PRKCB: variants seen among roughly 807,000 people sequenced by gnomAD.
The protein encoded by PRKCB is protein kinase C beta.
A neutral mutation model predicts 81.5 loss-of-function variants in PRKCB; 13 were observed. The ratio of observed to expected loss-of-function variants is 0.16; its 90% CI spans 0.10 to 0.25. The LOEUF (loss-of-function observed/expected upper bound fraction) is 0.25. Among genes scored for constraint, PRKCB ranks in the 10% least tolerant of loss-of-function variants. The pLI is 1.00. For missense variants in PRKCB, 509 were observed against 875.7 expected (o/e 0.58, Z 5.29); for synonymous variants, 335 against 321.4 (o/e 1.04, Z -0.45).
rs372129306 is a variant in PRKCB, at chr16:24,111,347, C to T, written c.822-1626C>T. The stretch of plus-strand genomic sequence containing the variant: ...TTTGGTTAGGAATGATCTTTGAGAG[C>T]GAGGAGTTTTGGGGTCTTTTTTCTT... On this transcript the variant is annotated intron_variant, in intron 7 of 16. Coordinates refer to ENST00000643927, the MANE Select transcript of PRKCB (RefSeq NM_002738.7). 17 of 152,202 alleles carry T rather than the reference C, an allele frequency of 1.1e-4. No individual in the cohort carries two copies. In the East Asian group the frequency reaches 2.9e-3, roughly 26 times the overall value. The allele number at this position is 152,202 out of a possible 1,614,324, so 9.4% of individuals were successfully genotyped here.
chr16:23,964,850 A>G (rs1306837446), intron 2 of PRKCB, among the ~76,000 whole-genome samples: 2 of 151,968 alleles, frequency 1.3e-5, no homozygotes, highest in East Asian at 1.9e-4. Context: ...TTGTATTTTT[A>G]GTAGAGATAG....
intron 3 of PRKCB, among the ~76,000 whole-genome samples, chr16:24,014,039 A>T (rs1030493577): frequency 6.6e-6 from 1 of 152,224 alleles, no homozygotes; most frequent in Admixed American, 6.5e-5. Flanking sequence ...CCTTCTATAC[A>T]GAGGATCTTT....
chr16:24,196,916 G>C (rs1967888222), intron 16 of PRKCB, among the ~76,000 whole-genome samples: 1 of 152,194 alleles, frequency 6.6e-6, no homozygotes, highest in South Asian at 2.1e-4. Context: ...GCACACAGCA[G>C]GCTGTTGCTG....
intron 2 of PRKCB, among the ~76,000 whole-genome samples, chr16:23,859,017 G>A (rs1387896345): frequency 1.3e-5 from 2 of 152,168 alleles, no homozygotes; most frequent in African/African-American, 4.8e-5. Context: ...TATATTCACA[G>A]CTACTTAGGA....
chr16:23,891,787 G>A (rs1963299069), intron 2 of PRKCB, among the ~76,000 whole-genome samples: 1 of 152,150 alleles, frequency 6.6e-6, no homozygotes, highest in Non-Finnish European at 1.5e-5. Flanking sequence ...TCTTAATGAA[G>A]CCACTTGTGA....
intron 2 of PRKCB, among the ~76,000 whole-genome samples, chr16:23,868,061 C>T (rs6497692): frequency 0.42 from 63,933 of 151,896 alleles, 13,774 homozygotes; most frequent in South Asian, 0.64. Context: ...TGAAGATCTC[C>T]TTATACACTG....
At chr16:24,179,472 C>A (rs1196921639) in intron 12 of PRKCB, among the ~76,000 whole-genome samples, 2 of 152,234 alleles carry the variant, frequency 1.3e-5, no homozygotes, top group African/African-American at 2.4e-5. Flanking sequence ...ATTTCCCCAT[C>A]TTCTATTAGG....
intron 5 of PRKCB, among the ~76,000 whole-genome samples, chr16:24,073,930 C>T (rs1303102187): frequency 6.6e-6 from 1 of 151,852 alleles, no homozygotes; most frequent in Non-Finnish European, 1.5e-5. Context: ...ATCACGAGGT[C>T]AGGAGATCGA....
chr16:23,920,622 T>G (rs535807195), intron 2 of PRKCB, among the ~76,000 whole-genome samples: 4 of 152,308 alleles, frequency 2.6e-5, no homozygotes, highest in Non-Finnish European at 2.9e-5. Context: ...CCAGCTTTCC[T>G]GTCAGGCGGT....
At chr16:24,096,665 AAATATATATATAT>A (rs1275805296) in intron 7 of PRKCB, among the ~76,000 whole-genome samples, 1,380 of 39,290 alleles carry the variant, frequency 0.035, 58 homozygotes, top group Non-Finnish European at 0.049. Flanking sequence ...AAAAAAAAAA[AAATATATATATAT>A]ATATATATAT....
intron 2 of PRKCB, among the ~76,000 whole-genome samples, chr16:23,885,784 C>T (rs1290855658): frequency 3.3e-5 from 5 of 152,270 alleles, no homozygotes; most frequent in African/African-American, 9.6e-5. Flanking sequence ...ATATTTCAGA[C>T]ACGAGGAAGC....
At chr16:23,892,347 T>G (rs1394077559) in intron 2 of PRKCB, among the ~76,000 whole-genome samples, 5 of 152,212 alleles carry the variant, frequency 3.3e-5, no homozygotes, top group Non-Finnish European at 7.3e-5. Context: ...AAATCTCCAT[T>G]GCTTCAGGAT....
intron 2 of PRKCB, among the ~76,000 whole-genome samples, chr16:23,986,833 G>C (rs1414152095): frequency 6.6e-6 from 1 of 151,994 alleles, no homozygotes; most frequent in Non-Finnish European, 1.5e-5. Context: ...GTTCAATAAT[G>C]ACCCATCATG....
At chr16:23,860,953 G>A (rs1962654526) in intron 2 of PRKCB, among the ~76,000 whole-genome samples, 1 of 152,070 alleles carries the variant, frequency 6.6e-6, no homozygotes, top group African/African-American at 2.4e-5. Flanking sequence ...GTTAAGGAGA[G>A]TGTCTTAGTT....
At chr16:24,184,471 A>G (rs1305109923) in intron 13 of PRKCB, among the ~76,000 whole-genome samples, 1 of 152,028 alleles carries the variant, frequency 6.6e-6, no homozygotes, top group Non-Finnish European at 1.5e-5. Flanking sequence ...AAAAGAAAAG[A>G]AAAAAAGAAA....
intron 2 of PRKCB, among the ~76,000 whole-genome samples, chr16:23,935,133 A>C (rs1964040941): frequency 2.6e-5 from 4 of 152,150 alleles, no homozygotes; most frequent in Non-Finnish European, 5.9e-5. Context: ...CCAACTCAGG[A>C]GGTTGTCACC....
intron 16 of PRKCB, among the ~76,000 whole-genome samples, chr16:24,204,596 T>C (rs905618731): frequency 1.3e-5 from 2 of 152,062 alleles, no homozygotes; most frequent in South Asian, 2.1e-4. Flanking sequence ...TGGTGAAGAA[T>C]AGATAAGAAA....
intron 8 of PRKCB, among the ~76,000 whole-genome samples, chr16:24,123,062 T>C (rs577487707): frequency 2.6e-5 from 4 of 152,310 alleles, no homozygotes; most frequent in African/African-American, 7.2e-5. Flanking sequence ...CTCCAATTTA[T>C]TGGAAGGAAA....
At chr16:24,124,397 C>G (rs1966839004) in intron 9 of PRKCB, among the ~76,000 whole-genome samples, 1 of 152,104 alleles carries the variant, frequency 6.6e-6, no homozygotes, top group Non-Finnish European at 1.5e-5. Flanking sequence ...AAGCAGGGCC[C>G]AAGGATGCAA....
Sources: allele counts gnomAD v4.1 joint callset (sites outside exome capture counted in the v4.1 genomes callset), GRCh38; gene constraint gnomAD v4.1.1; transcripts MANE v1.5; gene names NCBI Gene and HGNC (gene_info 2026-07-23, HGNC 2026-07-21).